Variants in ZNF804A observed in about 807,000 individuals in gnomAD.
ZNF804A encodes zinc finger protein 804A.
In ZNF804A, 2 loss-of-function variants were observed where a neutral mutation model predicts 16.5. The ratio of observed to expected loss-of-function variants is 0.12; its 90% CI spans 0.05 to 0.38. The LOEUF (loss-of-function observed/expected upper bound fraction) is 0.38, where lower values mean the gene tolerates loss of function less well. ZNF804A is among the 10% of genes least tolerant of loss of function. The pLI is 0.99. For synonymous variants in ZNF804A, 534 were observed against 489.6 expected (o/e 1.09, Z -1.20); for missense variants, 1,473 against 1,390.7 (o/e 1.06, Z -0.94).
At chr2:184,654,701 T>C (rs62176209) in intron 1 of ZNF804A, among the ~76,000 whole-genome samples, 39,391 of 152,020 alleles carry the variant, frequency 0.26, 6,224 homozygotes, top group East Asian at 0.49. Flanking sequence ...TGAAAAACAT[T>C]TGAGAAGATA....
chr2:184,866,012 T>C (rs1274395881), intron 1 of ZNF804A, among the ~76,000 whole-genome samples: 1 of 152,162 alleles, frequency 6.6e-6, no homozygotes, highest in Non-Finnish European at 1.5e-5. Flanking sequence ...AAATTTTATG[T>C]TAGCTGAGTC....
At chr2:184,615,208 A>T (rs999740893) in intron 1 of ZNF804A, among the ~76,000 whole-genome samples, 4 of 152,208 alleles carry the variant, frequency 2.6e-5, no homozygotes, top group Non-Finnish European at 4.4e-5. Context: ...ATGCAGCCAT[A>T]AAAAAGGATT....
At chr2:184,804,105 C>T (rs554688231) in intron 1 of ZNF804A, among the ~76,000 whole-genome samples, 2 of 152,190 alleles carry the variant, frequency 1.3e-5, no homozygotes, top group South Asian at 4.2e-4. Context: ...ACCTCTTGAT[C>T]TCCCCACCTC....
intron 1 of ZNF804A, among the ~76,000 whole-genome samples, chr2:184,831,946 C>T (rs541221950): frequency 3.9e-5 from 6 of 152,024 alleles, no homozygotes; most frequent in East Asian, 3.9e-4. Context: ...CTGAACTACA[C>T]GTGAGTGGAA....
intron 1 of ZNF804A, among the ~76,000 whole-genome samples, chr2:184,794,234 A>T (rs190648613): frequency 6.6e-6 from 1 of 151,828 alleles, no homozygotes; most frequent in African/African-American, 2.4e-5. Context: ...TCAACATCTA[A>T]ATTTTTAATT....
chr2:184,859,516 C>T (rs1695758838), intron 1 of ZNF804A, among the ~76,000 whole-genome samples: 1 of 151,880 alleles, frequency 6.6e-6, no homozygotes, highest in South Asian at 2.1e-4. Context: ...TTTATTTACT[C>T]ATTTTTCTGT....
chr2:184,728,188 C>T (rs1025021127), intron 1 of ZNF804A, among the ~76,000 whole-genome samples: 2 of 151,648 alleles, frequency 1.3e-5, no homozygotes, highest in Non-Finnish European at 3.0e-5. Context: ...ATTAAATCAC[C>T]AGAAATAGAA....
At chr2:184,707,664 G>C (rs943327506) in intron 1 of ZNF804A, among the ~76,000 whole-genome samples, 7 of 151,966 alleles carry the variant, frequency 4.6e-5, no homozygotes, top group Admixed American at 4.6e-4. Flanking sequence ...GTATATGTAT[G>C]ATATATTCTT....
chr2:184,900,055 A>G (rs1386476297), intron 2 of ZNF804A, among the ~76,000 whole-genome samples: 1 of 152,152 alleles, frequency 6.6e-6, no homozygotes, highest in East Asian at 1.9e-4. Context: ...CAGTTTTAAA[A>G]TAAATAGAAT....
chr2:184,742,383 C>G (rs1288040114), intron 1 of ZNF804A, among the ~76,000 whole-genome samples: 1 of 151,810 alleles, frequency 6.6e-6, no homozygotes, highest in Non-Finnish European at 1.5e-5. Context: ...TTTTTGTATT[C>G]AGACGAAAGT....
chr2:184,774,860 ATAT>A (rs1388402318), intron 1 of ZNF804A, among the ~76,000 whole-genome samples: 5 of 151,748 alleles, frequency 3.3e-5, no homozygotes, highest in Admixed American at 2.0e-4. Flanking sequence ...GACATCAATA[ATAT>A]TATTGTGGCC....
At chr2:184,852,229 T>TTCTCTCTCTCTCTCTCTCTCTCTCTC (rs10618125) in intron 1 of ZNF804A, among the ~76,000 whole-genome samples, 1 of 134,666 alleles carries the variant, frequency 7.4e-6, no homozygotes, top group African/African-American at 2.8e-5. Flanking sequence ...TGCGGTCTCT[T>TTCTCTCTCTCTCTCTCTCTCTCTCTC]TCTCTCTCTC....
chr2:184,814,582 T>C (rs1416956823), intron 1 of ZNF804A, among the ~76,000 whole-genome samples: 1 of 152,074 alleles, frequency 6.6e-6, no homozygotes, highest in Non-Finnish European at 1.5e-5. Context: ...AAAGTTGTCA[T>C]GGAAAGGTCA....
intron 1 of ZNF804A, among the ~76,000 whole-genome samples, chr2:184,616,680 A>G (rs890157473): frequency 1.3e-5 from 2 of 152,178 alleles, no homozygotes; most frequent in African/African-American, 4.8e-5. Context: ...GTACCCATAA[A>G]TAGCCTATAA....
At chr2:184,858,176 T>C (rs778378828) in intron 1 of ZNF804A, among the ~76,000 whole-genome samples, 1 of 152,000 alleles carries the variant, frequency 6.6e-6, no homozygotes, top group Non-Finnish European at 1.5e-5. Context: ...AAAATATATA[T>C]ATTTTTTATA....
intron 1 of ZNF804A, among the ~76,000 whole-genome samples, chr2:184,804,639 T>C (rs1017556401): frequency 6.6e-6 from 1 of 152,102 alleles, no homozygotes; most frequent in Non-Finnish European, 1.5e-5. Flanking sequence ...AGCTATAAAA[T>C]TGGAAACCAA....
chr2:184,598,576 G>A lies in ZNF804A; in HGVS notation c.-384G>A. 1 of 159,564 alleles carries A rather than the reference G, an allele frequency of 6.3e-6. No individual in the cohort carries two copies. Among genetic ancestry groups the A allele is most frequent in the Non-Finnish European group, 1.4e-5 (1 of 73,262 alleles). The allele number at this position is 159,564 out of a possible 1,614,324, so 9.9% of individuals were successfully genotyped here. A position where few individuals can be genotyped will look rare whatever the true frequency, so the allele number is the denominator to read the frequency against. ...CGCGGGGGATGCTGCCGCCGCCGCC[G>A]CTTCTGCTGCCGCGCGGGCGGCTCC... On this transcript the variant is annotated 5_prime_UTR_variant, in exon 1 of 4. Transcript: ENST00000302277.
At chr2:184,922,815 G>T (rs1251987608) in intron 2 of ZNF804A, among the ~76,000 whole-genome samples, 1 of 152,122 alleles carries the variant, frequency 6.6e-6, no homozygotes, top group Admixed American at 6.6e-5. Context: ...TTATTGAAGA[G>T]ACTGTCATTT....
chr2:184,719,971 G>T, intron 1 of ZNF804A, among the ~76,000 whole-genome samples: 1 of 152,136 alleles, frequency 6.6e-6, no homozygotes, highest in East Asian at 1.9e-4. Flanking sequence ...TTACACTGCT[G>T]ATAATGTCAT....
Sources: allele counts gnomAD v4.1 joint callset (sites outside exome capture counted in the v4.1 genomes callset), GRCh38; gene constraint gnomAD v4.1.1; transcripts MANE v1.5; gene names NCBI Gene and HGNC (gene_info 2026-07-23, HGNC 2026-07-21).